Variants in CNTN4 observed in about 807,000 individuals in gnomAD.
The protein encoded by CNTN4 is contactin-4.
A neutral mutation model predicts 122.5 loss-of-function variants in CNTN4; 77 were observed. That is an observed-to-expected ratio of 0.63 (90% CI 0.52 to 0.76). The LOEUF is 0.76. Ranked by LOEUF, CNTN4 falls within the 30% of genes least tolerant of loss-of-function variation. The pLI, the probability that CNTN4 is intolerant of heterozygous loss-of-function variation, is 0.00. For synonymous variants in CNTN4, 512 were observed against 447.0 expected, an observed-to-expected ratio of 1.15 and a Z score of -1.83; for missense variants, 1,256 against 1,259.1, an observed-to-expected ratio of 1.00 and a Z score of 0.04.
chr3:2,894,699 G>A (rs1213774478), intron 10 of CNTN4, among the ~76,000 whole-genome samples: 1 of 152,012 alleles, frequency 6.6e-6, no homozygotes, highest in Non-Finnish European at 1.5e-5. Flanking sequence ...AGGCTTTGAA[G>A]ATTAAAAAAA....
At chr3:2,773,029 C>A (rs192698097) in intron 6 of CNTN4, among the ~76,000 whole-genome samples, 9 of 152,238 alleles carry the variant, frequency 5.9e-5, no homozygotes, top group African/African-American at 1.9e-4. Flanking sequence ...GATCTGGCAA[C>A]ATGGAATTGA....
chr3:2,752,218 T>A (rs1309823873), intron 6 of CNTN4, among the ~76,000 whole-genome samples: 1 of 152,254 alleles, frequency 6.6e-6, no homozygotes, highest in Non-Finnish European at 1.5e-5. Flanking sequence ...AGTGTGATAC[T>A]TCAATACCTG....
chr3:2,462,299 C>A (rs555035888), intron 3 of CNTN4, among the ~76,000 whole-genome samples: 14 of 152,000 alleles, frequency 9.2e-5, no homozygotes, highest in Non-Finnish European at 1.8e-4. Context: ...TTAGTATGTA[C>A]CTCATAAGGA....
chr3:2,158,269 G>C (rs536076315), intron 2 of CNTN4, among the ~76,000 whole-genome samples: 1 of 152,170 alleles, frequency 6.6e-6, no homozygotes, highest in South Asian at 2.1e-4. Context: ...AAGAAGTTTA[G>C]ATATGTTTCT....
intron 3 of CNTN4, among the ~76,000 whole-genome samples, chr3:2,533,597 T>C (rs954557740): frequency 5.9e-5 from 9 of 152,046 alleles, no homozygotes; most frequent in African/African-American, 1.4e-4. Flanking sequence ...AATAAACATA[T>C]GTGTGCATGT....
chr3:2,798,182 G>T (rs1559514438), intron 6 of CNTN4, among the ~76,000 whole-genome samples: 1 of 150,230 alleles, frequency 6.7e-6, no homozygotes. Flanking sequence ...CTTTCTGCTT[G>T]TGGGTTATTT....
chr3:2,600,760 C>A (rs1196056954), intron 4 of CNTN4, among the ~76,000 whole-genome samples: 3 of 152,178 alleles, frequency 2.0e-5, no homozygotes, highest in Non-Finnish European at 4.4e-5. Flanking sequence ...GTTCTAGATC[C>A]TTGAGGAATC....
At chr3:2,299,760 T>C (rs1297746748) in intron 2 of CNTN4, among the ~76,000 whole-genome samples, 1 of 152,158 alleles carries the variant, frequency 6.6e-6, no homozygotes, top group Non-Finnish European at 1.5e-5. Context: ...TTATGTAGTT[T>C]TGAAATCAGT....
chr3:2,172,851 C>A (rs1042041875), intron 2 of CNTN4, among the ~76,000 whole-genome samples: 3 of 152,068 alleles, frequency 2.0e-5, no homozygotes, highest in African/African-American at 7.2e-5. Context: ...GGAAAAGAGA[C>A]AAATGAGAAA....
intron 3 of CNTN4, among the ~76,000 whole-genome samples, chr3:2,566,032 T>C (rs2079144987): frequency 6.6e-6 from 1 of 152,212 alleles, no homozygotes; most frequent in African/African-American, 2.4e-5. Context: ...TTAACACTAG[T>C]GAAACGTAGC....
chr3:2,969,346 A>G (rs549128275), intron 13 of CNTN4, among the ~76,000 whole-genome samples: 184 of 152,234 alleles, frequency 1.2e-3, no homozygotes, highest in African/African-American at 4.1e-3. Context: ...GGTCTAGGCT[A>G]GGTCAGGTGT....
intron 3 of CNTN4, among the ~76,000 whole-genome samples, chr3:2,405,257 G>T (rs2046993103): frequency 6.6e-6 from 1 of 152,096 alleles, no homozygotes; most frequent in Admixed American, 6.6e-5. Context: ...AGCTTTGTTT[G>T]GTGAGAGAGC....
chr3:2,574,172 C>T (rs577960760), intron 4 of CNTN4, among the ~76,000 whole-genome samples: 17 of 151,660 alleles, frequency 1.1e-4, no homozygotes, highest in African/African-American at 2.4e-4. Context: ...GCCGAGATCA[C>T]GCCACTGCAC....
intron 2 of CNTN4, among the ~76,000 whole-genome samples, chr3:2,333,725 A>G (rs948412610): frequency 2.0e-5 from 3 of 152,206 alleles, no homozygotes; most frequent in African/African-American, 2.4e-5. Context: ...ATGCATCCCA[A>G]TTCTGACTGA....
intron 6 of CNTN4, among the ~76,000 whole-genome samples, chr3:2,767,141 C>T (rs1009671225): frequency 2.6e-5 from 4 of 152,144 alleles, no homozygotes; most frequent in Admixed American, 6.5e-5. Context: ...CATGTAAAAG[C>T]GAGGGTGACA....
chr3:2,595,736 T>C (rs1464656516), intron 4 of CNTN4, among the ~76,000 whole-genome samples: 1 of 152,216 alleles, frequency 6.6e-6, no homozygotes. Context: ...AGTTGTCATA[T>C]TGTCCAGAGT....
chr3:2,706,794 C>G (rs2086767414), intron 4 of CNTN4, among the ~76,000 whole-genome samples: 1 of 152,066 alleles, frequency 6.6e-6, no homozygotes, highest in Non-Finnish European at 1.5e-5. Context: ...GATTCCAGAG[C>G]CAACCTACCA....
At chr3:2,239,885 G>C in intron 2 of CNTN4, among the ~76,000 whole-genome samples, 1 of 152,142 alleles carries the variant, frequency 6.6e-6, no homozygotes, top group Admixed American at 6.5e-5. Flanking sequence ...CCTACCTGAC[G>C]TAAAACTCAG....
chr3:2,392,905 C>T (rs937665015), intron 3 of CNTN4, among the ~76,000 whole-genome samples: 25 of 152,156 alleles, frequency 1.6e-4, no homozygotes, highest in African/African-American at 5.3e-4. Context: ...AAACTTCGTA[C>T]GTTTACCTCT....
Sources: gnomAD v4.1 joint callset for allele counts (sites outside exome capture counted in the v4.1 genomes callset) on GRCh38, gnomAD v4.1.1 for gene constraint, MANE v1.5 for transcripts, NCBI Gene and HGNC (gene_info 2026-07-23, HGNC 2026-07-21) for gene names.